The following CDH12 variants were observed in gnomAD, a reference collection of about 807,000 sequenced individuals.
CDH12 encodes cadherin-12.
In CDH12, 41 loss-of-function variants were observed where a neutral mutation model predicts 74.1. That is an observed-to-expected ratio of 0.55 (90% CI 0.43 to 0.72). CDH12 has a LOEUF of 0.72. CDH12 is among the 30% of genes least tolerant of loss of function. CDH12 has a pLI of 0.00. For missense variants in CDH12, 945 were observed against 977.2 expected (o/e 0.97, Z 0.44); for synonymous variants, 399 against 355.0 (o/e 1.12, Z -1.39).
At chr5:21,963,058 A>G (rs745826897) in intron 6 of CDH12, among the ~76,000 whole-genome samples, 23 of 152,094 alleles carry the variant, frequency 1.5e-4, no homozygotes, top group Non-Finnish European at 2.8e-4. Flanking sequence ...CTCAGATAAC[A>G]ATCACTTAAG....
intron 1 of CDH12, among the ~76,000 whole-genome samples, chr5:22,724,313 A>G (rs1744053438): frequency 6.6e-6 from 1 of 151,612 alleles, no homozygotes; most frequent in African/African-American, 2.4e-5. Context: ...TTGATTTCTG[A>G]GATTTTAGTG....
chr5:22,068,695 T>C (rs1294242488), intron 5 of CDH12, among the ~76,000 whole-genome samples: 6 of 152,172 alleles, frequency 3.9e-5, no homozygotes, highest in African/African-American at 1.4e-4. Flanking sequence ...TTGTGTCCTA[T>C]GGGAATGTTT....
chr5:22,306,573 G>A (rs1738124914), intron 3 of CDH12, among the ~76,000 whole-genome samples: 1 of 152,052 alleles, frequency 6.6e-6, no homozygotes, highest in Admixed American at 6.6e-5. Flanking sequence ...TATGCAAAAT[G>A]TAGCTAATGA....
At chr5:21,937,224 G>T (rs1755112947) in intron 6 of CDH12, among the ~76,000 whole-genome samples, 1 of 152,150 alleles carries the variant, frequency 6.6e-6, no homozygotes, top group African/African-American at 2.4e-5. Flanking sequence ...AGTCCTGAGG[G>T]TAGGTGACTG....
intron 5 of CDH12, among the ~76,000 whole-genome samples, chr5:21,991,405 A>G (rs1757743201): frequency 1.3e-5 from 2 of 151,170 alleles, no homozygotes; most frequent in African/African-American, 4.8e-5. Context: ...TATGTGAGAG[A>G]AAAAAATGAA....
intron 3 of CDH12, among the ~76,000 whole-genome samples, chr5:22,357,785 T>A (rs1740627434): frequency 6.6e-6 from 1 of 152,122 alleles, no homozygotes; most frequent in Admixed American, 6.6e-5. Context: ...AGGTGCACAT[T>A]ACTTGCATTT....
At chr5:22,306,989 T>C (rs1374005153) in intron 3 of CDH12, among the ~76,000 whole-genome samples, 1 of 152,222 alleles carries the variant, frequency 6.6e-6, no homozygotes, top group Non-Finnish European at 1.5e-5. Flanking sequence ...TATGCTGATA[T>C]GAAAATTATT....
At chr5:22,488,204 C>G (rs369708848) in intron 2 of CDH12, among the ~76,000 whole-genome samples, 2 of 152,198 alleles carry the variant, frequency 1.3e-5, no homozygotes, top group Admixed American at 6.5e-5. Flanking sequence ...TGCCAATATT[C>G]GTTGTCTGCT....
intron 6 of CDH12, among the ~76,000 whole-genome samples, chr5:21,906,623 T>C (rs1358889427): frequency 6.6e-6 from 1 of 152,182 alleles, no homozygotes. Flanking sequence ...TTAATTTTTG[T>C]TGTAGTTGTT....
chr5:22,774,108 C>T (rs1295743017), intron 1 of CDH12, among the ~76,000 whole-genome samples: 1 of 152,116 alleles, frequency 6.6e-6, no homozygotes, highest in African/African-American at 2.4e-5. Flanking sequence ...TACCATTCAA[C>T]CCAGCAATCC....
intron 6 of CDH12, among the ~76,000 whole-genome samples, chr5:21,969,824 ACCATGG>A (rs947227702): frequency 1.1e-4 from 16 of 152,156 alleles, no homozygotes; most frequent in Non-Finnish European, 1.5e-5. Context: ...CAAATCAAAA[ACCATGG>A]CCCACCCAAT....
At chr5:22,658,914 G>T (rs890014787) in intron 1 of CDH12, among the ~76,000 whole-genome samples, 4 of 152,080 alleles carry the variant, frequency 2.6e-5, no homozygotes, top group African/African-American at 9.7e-5. Flanking sequence ...GGCTTATAGG[G>T]GGGGATGTAT....
At chr5:22,406,391 C>T (rs1348267925) in intron 2 of CDH12, among the ~76,000 whole-genome samples, 2 of 152,000 alleles carry the variant, frequency 1.3e-5, no homozygotes, top group Non-Finnish European at 2.9e-5. Flanking sequence ...GATAATGCAG[C>T]CTGCATGATA....
intron 6 of CDH12, among the ~76,000 whole-genome samples, chr5:21,892,979 T>C (rs1164445926): frequency 6.6e-6 from 1 of 152,182 alleles, no homozygotes; most frequent in East Asian, 1.9e-4. Context: ...TACAACTAAC[T>C]GGTCTTGCTC....
rs541706986 is a variant in CDH12 at position 21,922,137 on chromosome 5, T to C, written c.526+52954A>G. ...ATTTGGTGTCATTTGCCCATAGTTC[T>C]GAAATAGCTTACACAAATACTAGTG... On this transcript the variant is annotated intron_variant, in intron 6 of 14. Transcript: ENST00000382254. Among the ~76,000 whole-genome samples the C allele has an allele frequency of 2.0e-5, 3 of 152,292 alleles. No individual in the cohort carries two copies. In the South Asian group the frequency reaches 6.2e-4, roughly 32 times the overall value.
Position 22,358,452 on chromosome 5 carries a change from C to T in CDH12, c.-333+46805G>A, listed in dbSNP as rs1740658840. Among the ~76,000 whole-genome samples, 4 of 151,998 alleles carry T rather than the reference C, an allele frequency of 2.6e-5. No homozygotes were observed. The South Asian group carries it at 8.3e-4, about 31-fold the overall frequency. On this transcript the variant is annotated intron_variant, in intron 3 of 14. Transcript: ENST00000382254. ...GAAATGCTAATAGCCAAAAAAGCAG[C>T]CCCCACTTTAAATGAATTTGACAAT...
At chr5:21,886,524 TTATTA>T (rs1044704495) in intron 6 of CDH12, among the ~76,000 whole-genome samples, 42 of 146,810 alleles carry the variant, frequency 2.9e-4, no homozygotes, top group African/African-American at 7.9e-4. Context: ...TTTACATATA[TTATTA>T]TATTATATAT....
intron 1 of CDH12, among the ~76,000 whole-genome samples, chr5:22,791,152 C>T (rs566254445): frequency 6.6e-6 from 1 of 152,240 alleles, no homozygotes; most frequent in African/African-American, 2.4e-5. Flanking sequence ...CAATATATAT[C>T]AATTACATAG....
At chr5:22,064,784 C>T (rs560925149) in intron 5 of CDH12, among the ~76,000 whole-genome samples, 2 of 152,236 alleles carry the variant, frequency 1.3e-5, no homozygotes, top group African/African-American at 2.4e-5. Flanking sequence ...TCAAGTACCA[C>T]GTAAGTCACC....
Sources: gnomAD v4.1 joint callset for allele counts (sites outside exome capture counted in the v4.1 genomes callset) on GRCh38, gnomAD v4.1.1 for gene constraint, MANE v1.5 for transcripts, NCBI Gene and HGNC (gene_info 2026-07-23, HGNC 2026-07-21) for gene names.